The following SATL1 variants were observed in gnomAD, a reference collection of about 807,000 sequenced individuals.
The protein encoded by SATL1 is spermidine/spermine N(1)-acetyltransferase-like protein 1.
Under a neutral mutation model 51.8 loss-of-function variants are expected in SATL1, and 47 were observed. That is an observed-to-expected ratio of 0.91 (90% CI 0.72 to 1.16). SATL1 has a LOEUF of 1.16. Ranked by LOEUF, SATL1 falls within the 50% of genes most tolerant of loss-of-function variation. The pLI, the probability that SATL1 is intolerant of heterozygous loss-of-function variation, is 0.00. For synonymous variants in SATL1, 176 were observed against 182.4 expected, an observed-to-expected ratio of 0.97 and a Z score of 0.28; for missense variants, 520 against 526.4, an observed-to-expected ratio of 0.99 and a Z score of 0.12.
intron 2 of SATL1, among the ~76,000 whole-genome samples, chrX:85,206,316 T>C (rs1927790224): frequency 1.8e-5 from 2 of 111,606 alleles, no homozygotes; most frequent in South Asian, 7.5e-4. Flanking sequence ...CTTAGATACT[T>C]CAACACTTAG....
chrX:85,094,324 TTAAAG>T, intron 5 of SATL1, 95 bp from the exon 6 acceptor site: 1 of 503,073 alleles, frequency 2.0e-6, no homozygotes, highest in Non-Finnish European at 3.5e-6. Context: ...TGTTTAACTA[TTAAAG>T]TAATAAATGC....
chrX:85,111,918 A>G (rs1199261664), intron 2 of SATL1, among the ~76,000 whole-genome samples: 1 of 111,868 alleles, frequency 8.9e-6, no homozygotes, highest in Non-Finnish European at 1.9e-5. Flanking sequence ...GAGACAACGA[A>G]GTATGTTACC....
chrX:85,190,112 C>T (rs769168936), intron 2 of SATL1, among the ~76,000 whole-genome samples: 4 of 111,898 alleles, frequency 3.6e-5, no homozygotes, highest in African/African-American at 1.3e-4. Context: ...ATACTGCCTA[C>T]ATTTGTTATA....
chrX:85,102,677 A>G (rs764205370), intron 4 of SATL1, among the ~76,000 whole-genome samples: 4 of 111,791 alleles, frequency 3.6e-5, no homozygotes, highest in African/African-American at 1.3e-4. Flanking sequence ...GTTACATATT[A>G]TCCTGAGCAG....
intron 2 of SATL1, among the ~76,000 whole-genome samples, chrX:85,159,306 C>T (rs1179258974): frequency 8.9e-6 from 1 of 111,838 alleles, no homozygotes; most frequent in East Asian, 2.8e-4. Flanking sequence ...GGTCCCCACC[C>T]TCCTGGCCAT....
intron 2 of SATL1, among the ~76,000 whole-genome samples, chrX:85,168,638 G>T (rs1338757342): frequency 9.0e-6 from 1 of 111,584 alleles, no homozygotes; most frequent in Non-Finnish European, 1.9e-5. Context: ...CAAAGAAGTG[G>T]AAAAACATTC....
chrX:85,218,362 T>A (rs1425645390), intron 2 of SATL1, among the ~76,000 whole-genome samples: 1 of 111,895 alleles, frequency 8.9e-6, no homozygotes, highest in Non-Finnish European at 1.9e-5. Flanking sequence ...TGTTTTAAAA[T>A]GACATTTTTA....
chrX:85,093,857 T>A (rs766044229), intron 6 of SATL1, among the ~76,000 whole-genome samples: 1 of 111,682 alleles, frequency 9.0e-6, no homozygotes, highest in African/African-American at 3.3e-5. Flanking sequence ...GAAAACCCTG[T>A]CTCAAAAACA....
intron 2 of SATL1, among the ~76,000 whole-genome samples, chrX:85,198,680 T>C (rs1326481835): frequency 1.8e-5 from 2 of 111,321 alleles, no homozygotes; most frequent in African/African-American, 6.5e-5. Context: ...GCATGGAATA[T>C]GTAATAATCA....
At chrX:85,217,121 T>C (rs1037596306) in intron 2 of SATL1, among the ~76,000 whole-genome samples, 1 of 111,939 alleles carries the variant, frequency 8.9e-6, no homozygotes, top group Non-Finnish European at 1.9e-5. Flanking sequence ...TATGGAACTA[T>C]ACTATAGTGT....
At chrX:85,237,042 T>C (rs2147768169) in intron 1 of SATL1, among the ~76,000 whole-genome samples, 1 of 111,172 alleles carries the variant, frequency 9.0e-6, no homozygotes, top group East Asian at 2.8e-4. Flanking sequence ...AAAATCCCGT[T>C]TAAAATATCC....
intron 2 of SATL1, among the ~76,000 whole-genome samples, chrX:85,121,632 G>C (rs1001916614): frequency 1.9e-5 from 2 of 106,911 alleles, no homozygotes; most frequent in Admixed American, 2.1e-4. Context: ...TATGGTACCA[G>C]TGTTGGTTAC....
At chrX:85,190,155 G>C (rs776945872) in intron 2 of SATL1, among the ~76,000 whole-genome samples, 1 of 111,657 alleles carries the variant, frequency 9.0e-6, no homozygotes, top group South Asian at 3.7e-4. Context: ...TAGGCTATAG[G>C]ATACACACAA....
intron 2 of SATL1, among the ~76,000 whole-genome samples, chrX:85,203,670 C>T (rs1927732425): frequency 8.9e-6 from 1 of 112,473 alleles, no homozygotes; most frequent in Non-Finnish European, 1.9e-5. Flanking sequence ...AGCAGCTGTG[C>T]TGTGCTGGAG....
chrX:85,145,899 CTTT>C (rs34920295), intron 2 of SATL1, among the ~76,000 whole-genome samples: 2 of 96,662 alleles, frequency 2.1e-5, no homozygotes, highest in African/African-American at 3.8e-5. Flanking sequence ...ACAGTATATT[CTTT>C]TTTTTTTTTT....
rs1338451326 is a variant in SATL1, at chrX:85,093,219, C to T, written c.1883G>A (p.Gly628Asp). ...CCTCTTCAGCATTTCAGCTCCAATA[C>T]CTAGGCCTTTTAAATAGACAATGCA... ...FYVTQAYQGL[G>D]IGAEMLKRLS... The change falls in exon 7 of 8, where the codon GGT becomes GAT. Residue 628 changes from glycine to aspartate, a missense_variant. This residue lies in a region of SATL1 where 488 missense variants were observed against 474.3 expected (regional missense o/e 1.03). Transcript: ENST00000644105. 8.6e-7 allele frequency: 1 copy of T among 1,163,665 alleles called. No homozygotes were observed. Among genetic ancestry groups the T allele is most frequent in the Non-Finnish European group, 1.1e-6 (1 of 870,264 alleles).
intron 2 of SATL1, among the ~76,000 whole-genome samples, chrX:85,184,286 C>A (rs766555577): frequency 9.0e-6 from 1 of 111,363 alleles, no homozygotes; most frequent in East Asian, 2.8e-4. Flanking sequence ...GGGGCTTGAT[C>A]ACTATGTTTC....
chrX:85,216,159 C>T (rs1415480132), intron 2 of SATL1, among the ~76,000 whole-genome samples: 2 of 110,985 alleles, frequency 1.8e-5, no homozygotes, highest in African/African-American at 3.3e-5. Context: ...AGGGAGGTGA[C>T]AGGCTCTTTT....
chrX:85,102,658 T>C (rs1221085505), intron 4 of SATL1, among the ~76,000 whole-genome samples: 1 of 111,479 alleles, frequency 9.0e-6, no homozygotes, highest in Non-Finnish European at 1.9e-5. Context: ...TTGTTTGTTG[T>C]TTATGATTGT....
Sources: gnomAD v4.1 joint callset for allele counts (sites outside exome capture counted in the v4.1 genomes callset) on GRCh38, gnomAD v4.1.1 for gene constraint, gnomAD v4.1.1 regional missense constraint, MANE v1.5 for transcripts, NCBI Gene and HGNC (gene_info 2026-07-23, HGNC 2026-07-21) for gene names.